Variants in ODR4 observed in about 807,000 individuals in gnomAD.
The protein encoded by ODR4 is odr-4 GPCR localization factor homolog.
ODR4 carries 47 observed loss-of-function variants against 60.2 expected under a neutral mutation model. That is an observed-to-expected ratio of 0.78 (90% CI 0.62 to 1.00). The LOEUF is 1.00. Among genes scored for constraint, ODR4 ranks in the 50% least tolerant of loss-of-function variants. ODR4 has a pLI of 0.00. For missense variants in ODR4, 488 were observed against 530.8 expected (o/e 0.92, Z 0.79); for synonymous variants, 178 against 175.5 (o/e 1.01, Z -0.11).
chr1:186,412,572 CAT>C (rs1661415707), intron 12 of ODR4, among the ~76,000 whole-genome samples: 1 of 152,060 alleles, frequency 6.6e-6, no homozygotes, highest in Non-Finnish European at 1.5e-5. Flanking sequence ...AGAATAAAAA[CAT>C]ACATTTTAAT....
At chr1:186,411,739 AACTT>A (rs1298636159) in intron 12 of ODR4, 2 of 295,388 alleles carry the variant, frequency 6.8e-6, no homozygotes, top group African/African-American at 2.3e-5. Flanking sequence ...TTAATATTAA[AACTT>A]AGTTATATGT....
rs764120655 is a variant in ODR4 at position 186,389,592 on chromosome 1, T to C, written c.442T>C (p.Phe148Leu). ...TTCTGTCCTTAATTAGTGAAGAATA[T>C]TTTGTCGAACTTATGATATCCATGA... Reference protein sequence around the residue: ...LHICASTKKIFCRTYDIHDPK... With the variant: ...LHICASTKKILCRTYDIHDPK... The change falls in exon 6 of 14, where the codon TTT becomes CTT. Residue 148 changes from phenylalanine to leucine, a missense_variant. By Grantham distance (22) the Phe-to-Leu change is conservative (BLOSUM62 0). Transcript: ENST00000287859. The C allele has an allele frequency of 6.5e-7, 1 of 1,541,244 alleles. No homozygotes were observed. Among genetic ancestry groups the C allele is most frequent in the Admixed American group, 2.0e-5 (1 of 50,984 alleles).
chr1:186,402,805 G>C (rs763329711), intron 11 of ODR4, among the ~76,000 whole-genome samples: 2 of 151,940 alleles, frequency 1.3e-5, no homozygotes, highest in Non-Finnish European at 2.9e-5. Flanking sequence ...ATGTTGTCCA[G>C]GTTGTCTCAA....
At chr1:186,383,955 C>T (rs1660146075) in intron 3 of ODR4, among the ~76,000 whole-genome samples, 1 of 152,068 alleles carries the variant, frequency 6.6e-6, no homozygotes, top group Non-Finnish European at 1.5e-5. Flanking sequence ...AGGAGAATTG[C>T]TTGAACCTGG....
intron 12 of ODR4, among the ~76,000 whole-genome samples, chr1:186,406,905 G>T (rs1661195741): frequency 6.6e-6 from 1 of 152,004 alleles, no homozygotes; most frequent in Non-Finnish European, 1.5e-5. Context: ...TTCAGTGTAT[G>T]AAAACATGTC....
At chr1:186,402,247 C>CCTT (rs1442415916) in intron 11 of ODR4, among the ~76,000 whole-genome samples, 4 of 139,978 alleles carry the variant, frequency 2.9e-5, no homozygotes, top group African/African-American at 1.1e-4. Flanking sequence ...TTCTTTCTTT[C>CCTT]TCTTCTTTTC....
At chr1:186,401,192 A>G in intron 11 of ODR4, 5 of 1,573,966 alleles carry the variant, frequency 3.2e-6, no homozygotes, top group Non-Finnish European at 4.3e-6. Flanking sequence ...ATTTTTGCTG[A>G]TGTTCAATTA....
At chr1:186,399,365 C>T (rs575777228) in intron 11 of ODR4, among the ~76,000 whole-genome samples, 1 of 152,138 alleles carries the variant, frequency 6.6e-6, no homozygotes, top group Admixed American at 6.5e-5. Context: ...GCCATGATGC[C>T]TTGCTAATTT....
At chr1:186,426,904 C>T in the ODR4 span, among the ~76,000 whole-genome samples, 1 of 152,010 alleles carries the variant, frequency 6.6e-6, no homozygotes, top group Admixed American at 6.6e-5. Context: ...ATACTGTAGT[C>T]TAGTAAGTGC....
At chr1:186,409,620 A>G (rs995033624) in intron 12 of ODR4, among the ~76,000 whole-genome samples, 2 of 152,192 alleles carry the variant, frequency 1.3e-5, no homozygotes, top group East Asian at 3.9e-4. Flanking sequence ...TTCTCAGCTC[A>G]CTGCAACCTC....
intron 11 of ODR4, 46 bp downstream of exon 11, chr1:186,399,090 T>G (rs745767224): frequency 1.3e-5 from 16 of 1,185,258 alleles, no homozygotes; most frequent in Admixed American, 1.9e-5. Context: ...TCAACTGATA[T>G]AGTAATAAGA....
intron 2 of ODR4, among the ~76,000 whole-genome samples, 194 bp downstream of exon 2, chr1:186,380,078 C>T (rs1334037017): frequency 6.6e-6 from 1 of 152,106 alleles, no homozygotes; most frequent in Non-Finnish European, 1.5e-5. Context: ...AAACCTAGCC[C>T]AATTTTGCTC....
Position 186,420,169 on chromosome 1 carries a change from G to C in ODR4, c.*1093G>C, listed in dbSNP as rs1270763310. ...AAAAAATGAACGCATTTTAAGTTAG[G>C]AGTCATGAATACTGTATTGACCATA... On this transcript the variant is annotated 3_prime_UTR_variant, in exon 14 of 14. Coordinates refer to ENST00000287859, the MANE Select transcript of ODR4 (RefSeq NM_017847.6). 2.0e-5 allele frequency: 3 copies of C among 152,176 alleles called. No individual in the cohort carries two copies. Among genetic ancestry groups the C allele is most frequent in the African/African-American group, 7.2e-5 (3 of 41,438 alleles). The allele number at this position is 152,176 out of a possible 1,614,324, so 9.4% of individuals were successfully genotyped here.
chr1:186,433,868 C>A, the ODR4 span, among the ~76,000 whole-genome samples: 2 of 152,130 alleles, frequency 1.3e-5, no homozygotes, highest in Non-Finnish European at 2.9e-5. Context: ...CATGAGCCAC[C>A]GCGCCTGGCC....
In ODR4 at chr1:186,383,150, C is replaced by G. The variant is rs1465352303; in HGVS notation, c.228C>G (p.Ala76=). The change falls in exon 3 of 14, where the codon GCC becomes GCG. Residue 76 remains alanine (A), a synonymous_variant. Transcript: ENST00000287859. ...ATGAAGAATGGGCCACAGAACATGC[C>G]TGCCAGGTTATCTTATTTTTTTGTT... The part of the protein sequence containing the change: ...NLDEEWATEH[A]CQVSRMLPGG... The G allele has an allele frequency of 6.5e-7, 1 of 1,543,182 alleles. No homozygotes were observed. The highest frequency in any genetic ancestry group is 2.4e-5 in the East Asian group (1 of 40,922).
At chr1:186,399,991 T>TC (rs1660864909) in intron 11 of ODR4, among the ~76,000 whole-genome samples, 2 of 121,146 alleles carry the variant, frequency 1.7e-5, no homozygotes, top group Admixed American at 1.6e-4. Context: ...TTTTTTTTTC[T>TC]TTTTTTTTTT....
chr1:186,431,813 A>G, the ODR4 span, among the ~76,000 whole-genome samples: 3 of 152,156 alleles, frequency 2.0e-5, no homozygotes, highest in African/African-American at 7.2e-5. Flanking sequence ...AAATAGAGGG[A>G]AATTCTGATT....
Position 186,375,993 on chromosome 1 carries a change from A to AGTGTGTGTGT in ODR4, c.-20+39_-20+48dup, listed in dbSNP as rs113247382. On this transcript the variant is annotated intron_variant, in intron 1 of 13. Coordinates refer to ENST00000287859, the MANE Select transcript of ODR4 (RefSeq NM_017847.6). ...AAAACAGGTAAGTCAGCCTAAGTGT[A>AGTGTGTGTGT]GTGTGTGTGTGTGTGTGTGTGTGTG... 3,660 of 158,446 alleles carry AGTGTGTGTGT rather than the reference A, an allele frequency of 0.023. 66 individuals are homozygous for AGTGTGTGTGT. The highest frequency in any genetic ancestry group is 0.03 in the African/African-American group (1,211 of 40,572). 9.8% of individuals were successfully genotyped at this position (158,446 alleles called of 1,614,324 possible). A position where few individuals can be genotyped will look rare whatever the true frequency, so the allele number is the denominator to read the frequency against.
At chr1:186,398,225 CT>C in intron 9 of ODR4, 87 bp from the exon 10 acceptor site, 1 of 1,233,608 alleles carries the variant, frequency 8.1e-7, no homozygotes, top group Non-Finnish European at 1.1e-6. Flanking sequence ...TTTGTTCTCT[CT>C]TCATAAAATC....
Sources: gnomAD v4.1 joint callset for allele counts (sites outside exome capture counted in the v4.1 genomes callset) on GRCh38, gnomAD v4.1.1 for gene constraint, MANE v1.5 for transcripts, NCBI Gene and HGNC (gene_info 2026-07-23, HGNC 2026-07-21) for gene names.